Variants in CNTN3 observed in about 807,000 individuals in gnomAD.
CNTN3 encodes contactin 3.
In CNTN3, 60 loss-of-function variants were observed where a neutral mutation model predicts 119.1. The ratio of observed to expected loss-of-function variants is 0.50; its 90% CI spans 0.41 to 0.62. CNTN3 has a LOEUF of 0.62. Ranked by LOEUF, CNTN3 falls within the 20% of genes least tolerant of loss-of-function variation. The pLI, the probability that CNTN3 is intolerant of heterozygous loss-of-function variation, is 0.00. For missense variants in CNTN3, 1,101 were observed against 1,242.4 expected (o/e 0.89, Z 1.71); for synonymous variants, 450 against 438.7 (o/e 1.03, Z -0.32).
Position 74,285,425 on chromosome 3 carries a change from T to A in CNTN3, c.2584A>T (p.Thr862Ser). 6.2e-7 allele frequency: 1 copy of A among 1,613,586 alleles called. No individual in the cohort carries two copies. Among genetic ancestry groups the A allele is most frequent in the African/African-American group, 1.3e-5 (1 of 75,012 alleles). ...TTCAGGCCCCGTAGTCTGGCTGATGTCTCATTTCCTGCCACTTTCATCTTA... is the reference window on the plus strand; with the variant it reads ...TTCAGGCCCCGTAGTCTGGCTGATGACTCATTTCCTGCCACTTTCATCTTA... The part of the protein sequence containing the change: ...SSKMKVAGNE[T>S]SARLRGLKSN... The change falls in exon 20 of 23, where the codon ACA (threonine) becomes TCA (serine). Residue 862 changes from threonine (T) to serine (S), a missense_variant. Physicochemically the swap from Thr to Ser is moderately conservative, Grantham distance 58 (BLOSUM62 1). Coordinates refer to ENST00000263665, the MANE Select transcript of CNTN3 (RefSeq NM_020872.3).
chr3:74,353,370 G>A (rs1703858856), intron 11 of CNTN3, among the ~76,000 whole-genome samples: 1 of 152,178 alleles, frequency 6.6e-6, no homozygotes, highest in Non-Finnish European at 1.5e-5. Context: ...TGGCAAAAGT[G>A]GCCAGTTAGG....
chr3:74,381,087 C>T (rs1704610967), intron 5 of CNTN3, among the ~76,000 whole-genome samples: 1 of 145,638 alleles, frequency 6.9e-6, no homozygotes, highest in Non-Finnish European at 1.5e-5. Flanking sequence ...CTCTCTCTCT[C>T]ACACACACAC....
intron 11 of CNTN3, among the ~76,000 whole-genome samples, chr3:74,353,030 T>C (rs192428213): frequency 6.6e-6 from 1 of 152,124 alleles, no homozygotes; most frequent in Non-Finnish European, 1.5e-5. Flanking sequence ...TTTTGAACAG[T>C]ATGAAGAAAA....
intron 1 of CNTN3, among the ~76,000 whole-genome samples, chr3:74,595,089 T>C (rs1393091802): frequency 6.6e-6 from 1 of 152,062 alleles, no homozygotes; most frequent in Admixed American, 6.6e-5. Context: ...GCTGCATAAA[T>C]GTCTTCTTTT....
intron 4 of CNTN3, among the ~76,000 whole-genome samples, chr3:74,458,393 T>A (rs542039231): frequency 5.9e-4 from 90 of 152,152 alleles, no homozygotes; most frequent in Middle Eastern, 6.8e-3. Context: ...CTTGTATATT[T>A]TAAGTTGCTG....
intron 2 of CNTN3, among the ~76,000 whole-genome samples, chr3:74,504,334 C>CA (rs1703215321): frequency 6.6e-6 from 1 of 152,242 alleles, no homozygotes; most frequent in South Asian, 2.1e-4. Flanking sequence ...CGTGCACTTA[C>CA]AAGGCATCAA....
At chr3:74,338,241 A>G (rs746131647) in intron 11 of CNTN3, among the ~76,000 whole-genome samples, 20 of 152,084 alleles carry the variant, frequency 1.3e-4, no homozygotes, top group Non-Finnish European at 2.1e-4. Flanking sequence ...TAGGAAAAAT[A>G]CTGAGGACAT....
intron 4 of CNTN3, among the ~76,000 whole-genome samples, chr3:74,477,419 C>A (rs1182156546): frequency 1.3e-5 from 2 of 152,078 alleles, no homozygotes; most frequent in Non-Finnish European, 2.9e-5. Context: ...TACTGACCAG[C>A]AAGAGGGACT....
chr3:74,460,650 T>A (rs189681885), intron 4 of CNTN3, among the ~76,000 whole-genome samples: 35 of 151,564 alleles, frequency 2.3e-4, no homozygotes, highest in African/African-American at 8.2e-4. Context: ...GTGACCTTGC[T>A]GAATTCACTT....
At chr3:74,328,883 T>C (rs1312330535) in intron 13 of CNTN3, among the ~76,000 whole-genome samples, 1 of 152,214 alleles carries the variant, frequency 6.6e-6, no homozygotes, top group Non-Finnish European at 1.5e-5. Context: ...TGAATTTGTT[T>C]CTGGGTACAT....
Position 74,334,897 on chromosome 3 carries a change from T to G in CNTN3, c.1506A>C (p.Ile502=), listed in dbSNP as rs1703352222. ...THLVVTEPTR[I]TLAPSNMDVS... ...CATCCATGTTAGATGGTGCCAAAGT[T>G]ATTCTTGTTGGTTCTATTGGGGAAA... Residue 502 remains isoleucine, a synonymous_variant, in exon 13 of 23, where the codon ATA becomes ATC. Coordinates refer to ENST00000263665, the MANE Select transcript of CNTN3 (RefSeq NM_020872.3). 1 of 1,608,866 alleles carries G rather than the reference T, an allele frequency of 6.2e-7. No homozygotes were observed. The highest frequency in any genetic ancestry group is 1.3e-5 in the African/African-American group (1 of 74,700).
chr3:74,489,412 T>G (rs1702920330), intron 3 of CNTN3, among the ~76,000 whole-genome samples: 1 of 143,564 alleles, frequency 7.0e-6, no homozygotes, highest in African/African-American at 2.6e-5. Context: ...TCCCCTTCCC[T>G]TCCTCCCTCC....
chr3:74,323,259 T>C (rs1703039316), intron 13 of CNTN3, among the ~76,000 whole-genome samples: 1 of 152,182 alleles, frequency 6.6e-6, no homozygotes, highest in Admixed American at 6.5e-5. Context: ...ACATGGGTAC[T>C]TTCTGTACTT....
At chr3:74,613,151 T>C (rs1175747639) in intron 1 of CNTN3, among the ~76,000 whole-genome samples, 1 of 152,202 alleles carries the variant, frequency 6.6e-6, no homozygotes, top group East Asian at 1.9e-4. Context: ...GGGCTCTGAC[T>C]CATTGTTCTG....
intron 13 of CNTN3, among the ~76,000 whole-genome samples, chr3:74,312,244 G>C (rs1038772851): frequency 5.9e-5 from 9 of 151,890 alleles, no homozygotes; most frequent in Admixed American, 4.6e-4. Context: ...ACGAGGTCAG[G>C]AGATCGAGAC....
intron 4 of CNTN3, among the ~76,000 whole-genome samples, chr3:74,449,995 C>T (rs1406537006): frequency 6.6e-6 from 1 of 152,062 alleles, no homozygotes; most frequent in Non-Finnish European, 1.5e-5. Flanking sequence ...TATGTAGTTA[C>T]ATAATCATTT....
intron 5 of CNTN3, among the ~76,000 whole-genome samples, chr3:74,385,018 T>G (rs1368241168): frequency 6.6e-6 from 1 of 152,230 alleles, no homozygotes; most frequent in African/African-American, 2.4e-5. Flanking sequence ...AATCACAGGC[T>G]ATTTAGAGTG....
chr3:74,489,139 G>T (rs960436176), intron 3 of CNTN3, among the ~76,000 whole-genome samples: 7 of 152,132 alleles, frequency 4.6e-5, no homozygotes, highest in African/African-American at 1.4e-4. Context: ...AATATGGTCT[G>T]CAGGCCAGCA....
intron 1 of CNTN3, among the ~76,000 whole-genome samples, chr3:74,535,955 A>G (rs1220281226): frequency 6.6e-6 from 1 of 152,120 alleles, no homozygotes; most frequent in Non-Finnish European, 1.5e-5. Flanking sequence ...CCATTGCTCC[A>G]GAAGAAATAT....
Sources: gnomAD v4.1 joint callset for allele counts (sites outside exome capture counted in the v4.1 genomes callset) on GRCh38, gnomAD v4.1.1 for gene constraint, MANE v1.5 for transcripts, NCBI Gene and HGNC (gene_info 2026-07-23, HGNC 2026-07-21) for gene names.